Variants in IPO9 observed in about 807,000 individuals in gnomAD.
The protein encoded by IPO9 is importin 9.
A neutral mutation model predicts 128.6 loss-of-function variants in IPO9; 28 were observed. That is an observed-to-expected ratio of 0.22 (90% confidence interval 0.16 to 0.30). The LOEUF is 0.30. IPO9 is among the 10% of genes least tolerant of loss of function. The probability of loss-of-function intolerance (pLI) is 1.00; values close to 1 mark genes in which losing one functional copy is unlikely to be tolerated. For missense variants in IPO9, 935 were observed against 1,293.9 expected, an observed-to-expected ratio of 0.72 and a Z score of 4.26; for synonymous variants, 455 against 475.8, an observed-to-expected ratio of 0.96 and a Z score of 0.57.
At position 201,873,064 on chromosome 1, in the gene IPO9, T is replaced by G. The variant is rs1405021409; in HGVS notation, c.2710+103T>G. The G allele has an allele frequency of 3.2e-6, 4 of 1,237,982 alleles. No individual in the cohort carries two copies. The Admixed American group carries it at 1.2e-4, about 38-fold the overall frequency. The allele number at this position is 1,237,982 out of a possible 1,614,324, so 76.7% of individuals were successfully genotyped here. On this transcript the variant is annotated intron_variant, in intron 20 of 23. Transcript: ENST00000361565. ...ACTGTGGTGTATATTTTTAAAACAA[T>G]TGTTGGTGATGGGTTTGATAAAGAA...
rs547993752 is a variant in IPO9, at chr1:201,848,854, G to A, written c.514+260G>A. Among the ~76,000 whole-genome samples, 20 of 152,188 alleles carry A rather than the reference G, an allele frequency of 1.3e-4. No individual in the cohort carries two copies. In the South Asian group the frequency reaches 4.0e-3, roughly 30 times the overall value. On this transcript the variant is annotated intron_variant, in intron 4 of 23. Coordinates refer to ENST00000361565, the MANE Select transcript of IPO9 (RefSeq NM_018085.5). ...CATAGTGATGGAGTATTCAGATTTT[G>A]GATTTTTGTAGTGGCTTCACCTTGA...
Position 201,839,510 on chromosome 1 carries a change from G to A in IPO9, c.164-7769G>A, listed in dbSNP as rs577565244. ...TGGGAGGCGGAGCTTGCAGTGATCC[G>A]AGATCATGACACTGCACTCCAGCCT... On this transcript the variant is annotated intron_variant, in intron 1 of 23. Coordinates refer to ENST00000361565, the MANE Select transcript of IPO9 (RefSeq NM_018085.5). Among the ~76,000 whole-genome samples the A allele has an allele frequency of 5.9e-3, 819 of 139,518 alleles. 3 individuals are homozygous for A. Among genetic ancestry groups the A allele is most frequent in the African/African-American group, 0.019 (712 of 36,840 alleles). 91.5% of individuals were successfully genotyped at this position (139,518 alleles called of 152,430 possible). A position where few individuals can be genotyped will look rare whatever the true frequency, so the allele number is the denominator to read the frequency against.
chr1:201,846,374 T>C (rs1680123808), intron 1 of IPO9, among the ~76,000 whole-genome samples: 1 of 152,192 alleles, frequency 6.6e-6, no homozygotes, highest in Admixed American at 6.5e-5. Context: ...TTGTTTTGTT[T>C]TGTTTGTTTG....
At chr1:201,845,124 C>A (rs1571542251) in intron 1 of IPO9, among the ~76,000 whole-genome samples, 1 of 152,060 alleles carries the variant, frequency 6.6e-6, no homozygotes, top group African/African-American at 2.4e-5. Context: ...TCAATTAATT[C>A]TCCTGCCTCA....
chr1:201,846,812 G>A (rs1228872168), intron 1 of IPO9, among the ~76,000 whole-genome samples: 11 of 152,190 alleles, frequency 7.2e-5, no homozygotes, highest in Non-Finnish European at 1.3e-4. Flanking sequence ...TGGGATTACA[G>A]CCATGCATCA....
At chr1:201,837,984 C>T (rs547385462) in intron 1 of IPO9, among the ~76,000 whole-genome samples, 3 of 152,216 alleles carry the variant, frequency 2.0e-5, no homozygotes, top group South Asian at 2.1e-4. Context: ...GCAGGAGGAT[C>T]GCTTGAACCC....
chr1:201,848,181 A>G (rs1038429348), intron 3 of IPO9, among the ~76,000 whole-genome samples: 7 of 152,234 alleles, frequency 4.6e-5, no homozygotes, highest in African/African-American at 1.7e-4. Flanking sequence ...GTTAATAGCT[A>G]TGTATAGCTA....
intron 14 of IPO9, among the ~76,000 whole-genome samples, chr1:201,864,838 TATAATC>T (rs1680520007): frequency 6.6e-6 from 1 of 152,266 alleles, no homozygotes; most frequent in South Asian, 2.1e-4. Context: ...ATATTACTTT[TATAATC>T]AGAAGAACTG....
intron 1 of IPO9, among the ~76,000 whole-genome samples, chr1:201,837,874 C>T (rs999252862): frequency 6.6e-5 from 10 of 151,938 alleles, no homozygotes; most frequent in African/African-American, 2.4e-4. Context: ...AGTTTGAGAC[C>T]AGCCTGACCA....
chr1:201,861,817 A>C (rs1253985269), intron 13 of IPO9, among the ~76,000 whole-genome samples: 1 of 152,232 alleles, frequency 6.6e-6, no homozygotes, highest in Non-Finnish European at 1.5e-5. Flanking sequence ...CTATCAAACG[A>C]AATATATAAC....
chr1:201,866,344 C>G (rs1174941968), intron 14 of IPO9, among the ~76,000 whole-genome samples: 1 of 152,002 alleles, frequency 6.6e-6, no homozygotes, highest in African/African-American at 2.4e-5. Flanking sequence ...AAGCAACATT[C>G]AGTAAATATT....
At position 201,880,919 on chromosome 1, in the gene IPO9, T is replaced by G. The variant is rs2102896073; in HGVS notation, c.*4865T>G. On this transcript the variant is annotated 3_prime_UTR_variant, in exon 24 of 24. Transcript: ENST00000361565. Reference sequence around the variant, plus strand: ...TTTGTGTTAGATGAGTTTGCCCAACTGTAAGCTAATGTAAGTGATCTGAGT... The same window carrying G: ...TTTGTGTTAGATGAGTTTGCCCAACGGTAAGCTAATGTAAGTGATCTGAGT... 6.6e-6 allele frequency: 1 copy of G among 152,374 alleles called. No homozygotes were observed. The highest frequency in any genetic ancestry group is 1.9e-4 in the East Asian group (1 of 5,182). 9.4% of individuals were successfully genotyped at this position (152,374 alleles called of 1,614,324 possible).
chr1:201,854,626 T>C lies in IPO9; in HGVS notation c.722T>C (p.Val241Ala). The change falls in exon 7 of 24, where the codon GTA becomes GCA. Residue 241 changes from valine to alanine, a missense_variant. Around this residue, in one of 3 missense-constraint regions of IPO9, gnomAD observed 741 missense variants for 1,019.1 expected, o/e 0.73. Transcript: ENST00000361565. ...GCCAAAGTCCTGATCTTTCCCGTGGTACAGCAGTTCACAGAGGCCTTTGTT... is the reference window on the plus strand; with the variant it reads ...GCCAAAGTCCTGATCTTTCCCGTGGCACAGCAGTTCACAGAGGCCTTTGTT... ...GAAKVLIFPV[V>A]QQFTEAFVQA... The C allele has an allele frequency of 6.2e-7, 1 of 1,614,166 alleles. No homozygotes were observed. Among genetic ancestry groups the C allele is most frequent in the African/African-American group, 1.3e-5 (1 of 75,048 alleles).
At chr1:201,861,308 T>A (rs537379617) in intron 13 of IPO9, among the ~76,000 whole-genome samples, 1 of 152,374 alleles carries the variant, frequency 6.6e-6, no homozygotes, top group South Asian at 2.1e-4. Flanking sequence ...GTTGGACTTA[T>A]GATTTTTCAT....
rs1010821723 is a variant in IPO9 at position 201,872,734 on chromosome 1, T to C, written c.2577-94T>C. The C allele has an allele frequency of 6.5e-6, 9 of 1,386,600 alleles. No homozygotes were observed. The Admixed American group carries it at 2.1e-4, about 33-fold the overall frequency. The allele number at this position is 1,386,600 out of a possible 1,614,324, so 85.9% of individuals were successfully genotyped here. A position where few individuals can be genotyped will look rare whatever the true frequency, so the allele number is the denominator to read the frequency against. ...TTAGTTGTTAACGGAATTTTCACTA[T>C]CAAATAGAGGGTCTTAGGACATAAT... On this transcript the variant is annotated intron_variant, in intron 19 of 23. Transcript: ENST00000361565.
In IPO9 at chr1:201,848,452, G is replaced by T; in HGVS notation, c.372G>T (p.Val124=). Residue 124 remains valine (V), a synonymous_variant, in exon 4 of 24, where the codon GTG becomes GTT. Coordinates refer to ENST00000361565, the MANE Select transcript of IPO9 (RefSeq NM_018085.5). ...GGTTGAGAGAATCGATAAGCAAAGT[G>T]CGCTCCAGTGTGGCCTATGCAGTGT... ...PNGLRESISK[V]RSSVAYAVSA... 6.2e-7 allele frequency: 1 copy of T among 1,614,206 alleles called. No homozygotes were observed. Among genetic ancestry groups the T allele is most frequent in the African/African-American group, 1.3e-5 (1 of 75,052 alleles).
rs776385671 is a variant in IPO9, at chr1:201,876,388, A to G, written c.*334A>G. Reference sequence around the variant, plus strand: ...GCCCAGAAGGATTATGTGTTTATGGATTATTTTGCCCCGCCTCAGGAGCGC... The same window carrying G: ...GCCCAGAAGGATTATGTGTTTATGGGTTATTTTGCCCCGCCTCAGGAGCGC... On this transcript the variant is annotated 3_prime_UTR_variant, in exon 24 of 24. Coordinates refer to ENST00000361565, the MANE Select transcript of IPO9 (RefSeq NM_018085.5). 1 of 421,174 alleles carries G rather than the reference A, an allele frequency of 2.4e-6. No homozygotes were observed. The highest frequency in any genetic ancestry group is 4.5e-6 in the Non-Finnish European group (1 of 222,930). 26.1% of individuals were successfully genotyped at this position (421,174 alleles called of 1,614,324 possible).
rs548803770 is a variant in IPO9 at position 201,866,886 on chromosome 1, C to A, written c.1782C>A (p.Asp594Glu). Reference sequence around the variant, plus strand: ...CCCTGTGCATCGTTTGTACAGTAGACCCCGAATTCACAGCAAGCATGGAAA... The same window carrying A: ...CCCTGTGCATCGTTTGTACAGTAGAACCCGAATTCACAGCAAGCATGGAAA... ...METLCIVCTV[D>E]PEFTASMESK... The change falls in exon 15 of 24, where the codon GAC (aspartate) becomes GAA (glutamate). Residue 594 changes from aspartate to glutamate, a missense_variant. Physicochemically the swap from Asp to Glu is conservative, Grantham distance 45. This residue lies in a region of IPO9 where 741 missense variants were observed against 1,019.1 expected (regional missense o/e 0.73). Coordinates refer to ENST00000361565, the MANE Select transcript of IPO9 (RefSeq NM_018085.5). The A allele has an allele frequency of 1.9e-6, 3 of 1,614,116 alleles. No homozygotes were observed. The East Asian group carries it at 6.7e-5, about 36-fold the overall frequency.
chr1:201,843,931 A>G (rs1246475350), intron 1 of IPO9, among the ~76,000 whole-genome samples: 2 of 152,026 alleles, frequency 1.3e-5, no homozygotes, highest in African/African-American at 2.4e-5. Context: ...ACCAAAATAT[A>G]TATTTTATAA....
Sources: gnomAD v4.1 joint callset for allele counts (sites outside exome capture counted in the v4.1 genomes callset) on GRCh38, gnomAD v4.1.1 for gene constraint, gnomAD v4.1.1 regional missense constraint, MANE v1.5 for transcripts, NCBI Gene and HGNC (gene_info 2026-07-23, HGNC 2026-07-21) for gene names.